AGR3: variants seen among roughly 807,000 people sequenced by gnomAD.
The protein encoded by AGR3 is anterior gradient 3, protein disulphide isomerase family member.
AGR3 carries 37 observed loss-of-function variants against 24.5 expected under a neutral mutation model. The ratio of observed to expected loss-of-function variants is 1.51; its 90% CI spans 1.16 to 1.99. AGR3 has a LOEUF of 1.99. AGR3 is among the 30% of genes most tolerant of loss of function. The pLI, the probability that AGR3 is intolerant of heterozygous loss-of-function variation, is 0.00. For missense variants in AGR3, 228 were observed against 191.1 expected, an observed-to-expected ratio of 1.19 and a Z score of -1.14; for synonymous variants, 75 against 61.6, an observed-to-expected ratio of 1.22 and a Z score of -1.02.
At position 16,862,001 on chromosome 7, in the gene AGR3, T is replaced by A. The variant is rs1233937083; in HGVS notation, c.286A>T (p.Ile96Phe). 6.2e-7 allele frequency: 1 copy of A among 1,613,050 alleles called. No individual in the cohort carries two copies. Among genetic ancestry groups the A allele is most frequent in the South Asian group, 1.1e-5 (1 of 91,036 alleles). Residue 96 changes from isoleucine (I) to phenylalanine (F), a missense_variant, in exon 5 of 8, where the codon ATC becomes TTC. By Grantham distance (21) the Ile-to-Phe change is conservative. Transcript: ENST00000310398. ...EIQEMAQNKF[I>F]MLNLMHETTD... ...TTATGTACCATAAGGTTTAGCATGA[T>A]GAACTTATTCTGAGCCATTTCTTGT...
In AGR3 at chr7:16,859,588, C is replaced by T; in HGVS notation, c.495G>A (p.Glu165=). The T allele has an allele frequency of 6.4e-7, 1 of 1,555,624 alleles. No individual in the cohort carries two copies. The change falls in exon 8 of 8, where the codon GAG becomes GAA. Residue 165 remains glutamate (E), a synonymous_variant. Coordinates refer to ENST00000310398, the MANE Select transcript of AGR3 (RefSeq NM_176813.5). ...GGCTTTTTTCCATCATCTCTTATAG[C>T]TCTGACTGAATAAGTCTTAATGCTT... is the stretch of plus-strand genomic sequence containing the variant. ...MKKALRLIQS[E]L is the part of the protein sequence containing the mutation.
At chr7:16,864,464 C>T (rs1169303321) in intron 3 of AGR3, 2 of 1,276,356 alleles carry the variant, frequency 1.6e-6, no homozygotes, top group African/African-American at 1.5e-5. Context: ...AGCTGGGCTT[C>T]ATCTCCACTG....
intron 3 of AGR3, among the ~76,000 whole-genome samples, chr7:16,869,136 G>A (rs1045902356): frequency 6.6e-6 from 1 of 152,116 alleles, no homozygotes; most frequent in Non-Finnish European, 1.5e-5. Flanking sequence ...TGAAAGTGGG[G>A]TGTTGAAGTC....
downstream of AGR3, among the ~76,000 whole-genome samples, chr7:16,858,995 A>G (rs2115400400): frequency 6.6e-6 from 1 of 152,346 alleles, no homozygotes; most frequent in East Asian, 1.9e-4. Context: ...TAAAAGTTAA[A>G]GTCACAAGTG....
intron 3 of AGR3, 32 bp downstream of exon 3, chr7:16,873,746 TAA>T (rs1562550489): frequency 6.6e-7 from 1 of 1,513,748 alleles, no homozygotes; most frequent in Non-Finnish European, 9.2e-7. Context: ...CTACTACAAA[TAA>T]AAGGAAAAAA....
chr7:16,868,883 T>C (rs1159463342), intron 3 of AGR3, among the ~76,000 whole-genome samples: 1 of 152,210 alleles, frequency 6.6e-6, no homozygotes, highest in Non-Finnish European at 1.5e-5. Context: ...ATACCATATT[T>C]TATCAATTCA....
At chr7:16,859,752 G>A (rs4719484) in intron 7 of AGR3, 121 bp from the exon 8 acceptor site, 364,597 of 580,126 alleles carry the variant, frequency 0.63, 115,839 homozygotes, top group East Asian at 0.72. Flanking sequence ...ATGGGAATTC[G>A]TCTATGACAT....
intron 2 of AGR3, among the ~76,000 whole-genome samples, chr7:16,875,275 C>T (rs903471818): frequency 2.6e-5 from 4 of 152,066 alleles, no homozygotes; most frequent in African/African-American, 9.7e-5. Flanking sequence ...CTTCAAATGC[C>T]ACAGCCCTAA....
intron 2 of AGR3, among the ~76,000 whole-genome samples, chr7:16,874,630 T>C (rs1198715279): frequency 6.6e-6 from 1 of 152,102 alleles, no homozygotes; most frequent in Non-Finnish European, 1.5e-5. Flanking sequence ...TATTTGGAAG[T>C]CAGTTTGGGC....
chr7:16,860,246 T>G (rs745764909), intron 7 of AGR3, among the ~76,000 whole-genome samples: 1 of 152,228 alleles, frequency 6.6e-6, no homozygotes, highest in African/African-American at 2.4e-5. Context: ...TTGTGTCATT[T>G]TAATGTGTAC....
chr7:16,866,039 T>C (rs1781752612), intron 3 of AGR3: 3 of 640,920 alleles, frequency 4.7e-6, no homozygotes, highest in Admixed American at 4.6e-5. Context: ...TATCTACCCA[T>C]GGTTCATTTT....
At chr7:16,861,522 C>G (rs1323677251) in intron 5 of AGR3, 75 bp from the exon 6 acceptor site, 24 of 1,268,084 alleles carry the variant, frequency 1.9e-5, no homozygotes, top group Non-Finnish European at 2.7e-5. Flanking sequence ...TTTTGTGTGA[C>G]TGTCAGTAAA....
At chr7:16,855,972 T>G (rs116120518), downstream of AGR3, among the ~76,000 whole-genome samples, 512 of 136,452 alleles carry the variant, frequency 3.8e-3, 1 homozygote, top group African/African-American at 0.012. Flanking sequence ...TTTATCATGT[T>G]GTTTTCCATG....
downstream of AGR3, among the ~76,000 whole-genome samples, chr7:16,858,019 C>T (rs1781577100): frequency 6.7e-6 from 1 of 148,510 alleles, no homozygotes; most frequent in Admixed American, 6.7e-5. Flanking sequence ...TGGAGTTTCA[C>T]TCTTGTTGCC....
At chr7:16,877,835 C>T (rs1030416759) in intron 2 of AGR3, among the ~76,000 whole-genome samples, 2 of 142,786 alleles carry the variant, frequency 1.4e-5, no homozygotes, top group Non-Finnish European at 3.0e-5. Context: ...TACACTCCAG[C>T]CTGGGTGACA....
chr7:16,864,526 C>A, intron 3 of AGR3: 1 of 1,303,780 alleles, frequency 7.7e-7, no homozygotes. Flanking sequence ...CATTTTCAGT[C>A]TTCCGAAGTG....
intron 3 of AGR3, among the ~76,000 whole-genome samples, chr7:16,867,559 T>C (rs1781782188): frequency 6.6e-6 from 1 of 152,212 alleles, no homozygotes; most frequent in African/African-American, 2.4e-5. Context: ...GTATAAAATA[T>C]ATTGTTATTA....
At chr7:16,867,170 A>G (rs1781774351) in intron 3 of AGR3, among the ~76,000 whole-genome samples, 1 of 152,176 alleles carries the variant, frequency 6.6e-6, no homozygotes, top group African/African-American at 2.4e-5. Context: ...TTTAATTTTC[A>G]TAATTATATC....
chr7:16,877,395 T>C (rs1240192810), intron 2 of AGR3, among the ~76,000 whole-genome samples: 1 of 150,146 alleles, frequency 6.7e-6, no homozygotes, highest in African/African-American at 2.4e-5. Flanking sequence ...ACTTGGTTAT[T>C]CAAAACTAGC....
Sources: allele counts gnomAD v4.1 joint callset (sites outside exome capture counted in the v4.1 genomes callset), GRCh38; gene constraint gnomAD v4.1.1; transcripts MANE v1.5; gene names NCBI Gene and HGNC (gene_info 2026-07-23, HGNC 2026-07-21).